Variants in CCDC158 observed in about 807,000 individuals in gnomAD.
The protein encoded by CCDC158 is coiled-coil domain-containing protein 158.
A neutral mutation model predicts 138.6 loss-of-function variants in CCDC158; 116 were observed. The ratio of observed to expected loss-of-function variants is 0.84; its 90% CI spans 0.72 to 0.98. The LOEUF (loss-of-function observed/expected upper bound fraction) is 0.98, where lower values mean the gene tolerates loss of function less well. CCDC158 is among the 50% of genes least tolerant of loss of function. CCDC158 has a pLI of 0.00. For synonymous variants in CCDC158, 436 were observed against 442.4 expected (o/e 0.99, Z 0.18); for missense variants, 1,265 against 1,306.1 (o/e 0.97, Z 0.48).
intron 4 of CCDC158, 141 bp downstream of exon 4, chr4:76,396,128 G>T: frequency 2.0e-6 from 1 of 503,382 alleles, no homozygotes; most frequent in Non-Finnish European, 3.4e-6. Flanking sequence ...GAAGGCACAG[G>T]TCAAATTAAC....
In CCDC158 at chr4:76,362,323, T is replaced by C. The variant is rs553274709; in HGVS notation, c.1831-8A>G. The C allele has an allele frequency of 7.8e-5, 125 of 1,596,882 alleles. 2 individuals carry two copies. The South Asian group carries it at 1.3e-3, about 17-fold the overall frequency. The stretch of plus-strand genomic sequence containing the variant: ...TTTTTTATCTTTTAATATCTAAATA[T>C]ATGGATAAATACAAAGGATAGAGAA... On this transcript the variant is annotated splice_region_variant and splice_polypyrimidine_tract_variant and intron_variant, in intron 12 of 24. Coordinates refer to ENST00000682701, the MANE Select transcript of CCDC158 (RefSeq NM_001394954.1).
intron 22 of CCDC158, among the ~76,000 whole-genome samples, chr4:76,327,893 C>A (rs1720670656): frequency 6.6e-6 from 1 of 152,140 alleles, no homozygotes; most frequent in Non-Finnish European, 1.5e-5. Context: ...ATAGGAAGAC[C>A]AATTACGTGT....
chr4:76,342,300 C>T (rs1022280504), intron 18 of CCDC158, among the ~76,000 whole-genome samples: 1 of 152,172 alleles, frequency 6.6e-6, no homozygotes, highest in South Asian at 2.1e-4. Flanking sequence ...TCAGTCCCTA[C>T]AAAGTGTTGG....
chr4:76,357,368 G>C lies in CCDC158; in HGVS notation c.2173+6C>G. 1 of 1,508,880 alleles carries C rather than the reference G, an allele frequency of 6.6e-7. No individual in the cohort carries two copies. The highest frequency in any genetic ancestry group is 8.8e-7 in the Non-Finnish European group (1 of 1,132,038). 93.5% of individuals were successfully genotyped at this position (1,508,880 alleles called of 1,614,324 possible). ...AAGAAAAAATTTTAAATCTAACAGAGCATACCATGACCATCAGATCCTTCC... is the reference window on the plus strand; with the variant it reads ...AAGAAAAAATTTTAAATCTAACAGACCATACCATGACCATCAGATCCTTCC... On this transcript the variant is annotated splice_donor_region_variant and intron_variant, in intron 14 of 24. Coordinates refer to ENST00000682701, the MANE Select transcript of CCDC158 (RefSeq NM_001394954.1).
intron 24 of CCDC158, among the ~76,000 whole-genome samples, chr4:76,322,273 A>T (rs1274122711): frequency 1.3e-5 from 2 of 152,212 alleles, no homozygotes; most frequent in Non-Finnish European, 2.9e-5. Flanking sequence ...ACAATTTGCT[A>T]AAGCCTTACT....
At position 76,357,543 on chromosome 4, in the gene CCDC158, T is replaced by C. The variant is rs1404178970; in HGVS notation, c.2021-17A>G. The C allele has an allele frequency of 1.4e-6, 2 of 1,447,186 alleles. No homozygotes were observed. Among genetic ancestry groups the C allele is most frequent in the Admixed American group, 2.5e-5 (1 of 40,510 alleles). 89.6% of individuals were successfully genotyped at this position (1,447,186 alleles called of 1,614,324 possible). A position where few individuals can be genotyped will look rare whatever the true frequency, so the allele number is the denominator to read the frequency against. Reference sequence around the variant, plus strand: ...CATACTCCTCTATACAATGTGATAATCAATAATAGATGGTTACTTTTTTCT... The same window carrying C: ...CATACTCCTCTATACAATGTGATAACCAATAATAGATGGTTACTTTTTTCT... On this transcript the variant is annotated splice_polypyrimidine_tract_variant and intron_variant, in intron 13 of 24. Coordinates refer to ENST00000682701, the MANE Select transcript of CCDC158 (RefSeq NM_001394954.1).
At chr4:76,369,923 G>A (rs2110249272) in intron 10 of CCDC158, among the ~76,000 whole-genome samples, 1 of 152,176 alleles carries the variant, frequency 6.6e-6, no homozygotes, top group East Asian at 1.9e-4. Flanking sequence ...CATTTTCTAA[G>A]AAAGACATTA....
At chr4:76,400,109 G>T (rs967709643) in intron 3 of CCDC158, among the ~76,000 whole-genome samples, 1 of 151,814 alleles carries the variant, frequency 6.6e-6, no homozygotes, top group African/African-American at 2.4e-5. Flanking sequence ...ATTTTCGTAT[G>T]TTTATTGCGG....
At chr4:76,344,856 G>T (rs1489589204) in intron 18 of CCDC158, 1 of 1,584,430 alleles carries the variant, frequency 6.3e-7, no homozygotes, top group African/African-American at 1.3e-5. Context: ...GACCAAAGAA[G>T]AATTTGCCAA....
chr4:76,403,060 A>G (rs1728541142), intron 3 of CCDC158, 78 bp downstream of exon 3: 23 of 980,360 alleles, frequency 2.3e-5, no homozygotes, highest in Non-Finnish European at 3.3e-5. Context: ...AAAATAAAAC[A>G]TACTAGAAAC....
chr4:76,403,981 T>C (rs561032318), intron 2 of CCDC158, among the ~76,000 whole-genome samples: 2 of 152,104 alleles, frequency 1.3e-5, no homozygotes, highest in Admixed American at 1.3e-4. Context: ...AAGGCCAAAA[T>C]ATTAAGCACA....
chr4:76,372,213 A>G (rs1725313901), intron 9 of CCDC158, among the ~76,000 whole-genome samples: 1 of 152,234 alleles, frequency 6.6e-6, no homozygotes, highest in Admixed American at 6.5e-5. Context: ...CCAAGGCAGG[A>G]GGATCCCTTG....
intron 2 of CCDC158, among the ~76,000 whole-genome samples, chr4:76,408,307 G>A (rs1729002679): frequency 2.6e-5 from 4 of 151,858 alleles, no homozygotes; most frequent in Admixed American, 2.6e-4. Flanking sequence ...ATTTACATTA[G>A]GTATATCTCC....
chr4:76,375,550 A>G (rs1725640682), intron 9 of CCDC158: 2 of 702,646 alleles, frequency 2.8e-6, no homozygotes, highest in Non-Finnish European at 5.2e-6. Context: ...TTCAGCCCCA[A>G]CTGCTTTCAA....
At chr4:76,397,223 C>T (rs532572093) in intron 3 of CCDC158, among the ~76,000 whole-genome samples, 1 of 150,404 alleles carries the variant, frequency 6.6e-6, no homozygotes, top group South Asian at 2.1e-4. Context: ...AAAAAAAAAC[C>T]CACCTGGAAG....
chr4:76,318,592 A>T (rs1719636144), intron 24 of CCDC158, among the ~76,000 whole-genome samples: 1 of 152,190 alleles, frequency 6.6e-6, no homozygotes, highest in African/African-American at 2.4e-5. Flanking sequence ...TTAAAAAAGG[A>T]TTGGTACCCA....
intron 24 of CCDC158, among the ~76,000 whole-genome samples, chr4:76,314,230 T>C (rs973073416): frequency 1.3e-5 from 2 of 152,214 alleles, no homozygotes; most frequent in Non-Finnish European, 2.9e-5. Flanking sequence ...TTTGTAAATA[T>C]CTTCCATGTG....
intron 13 of CCDC158, among the ~76,000 whole-genome samples, chr4:76,358,816 G>A (rs1308677362): frequency 6.6e-6 from 1 of 152,154 alleles, no homozygotes; most frequent in Non-Finnish European, 1.5e-5. Context: ...TAGACTGTGA[G>A]CTTCATTGTG....
chr4:76,363,455 T>G (rs778271067), intron 12 of CCDC158, among the ~76,000 whole-genome samples: 7 of 152,196 alleles, frequency 4.6e-5, no homozygotes, highest in Non-Finnish European at 8.8e-5. Context: ...GATTATATGC[T>G]GAGTCTGGCG....
Sources: gnomAD v4.1 joint callset for allele counts (sites outside exome capture counted in the v4.1 genomes callset) on GRCh38, gnomAD v4.1.1 for gene constraint, MANE v1.5 for transcripts, NCBI Gene and HGNC (gene_info 2026-07-23, HGNC 2026-07-21) for gene names.